TTC1: variants seen among roughly 807,000 people sequenced by gnomAD.
TTC1 encodes the protein tetratricopeptide repeat domain 1.
Under a neutral mutation model 37.6 loss-of-function variants are expected in TTC1, and 31 were observed. The observed-to-expected ratio is 0.82, with a 90% confidence interval of 0.62 to 1.11. The LOEUF is 1.11. Ranked by LOEUF, TTC1 falls within the 50% of genes most tolerant of loss-of-function variation. The probability of loss-of-function intolerance (pLI) is 0.00; values close to 1 mark genes in which losing one functional copy is unlikely to be tolerated. For missense variants in TTC1, 351 were observed against 339.0 expected, an observed-to-expected ratio of 1.04 and a Z score of -0.28; for synonymous variants, 127 against 122.4, an observed-to-expected ratio of 1.04 and a Z score of -0.25.
chr5:160,048,025 A>G (rs1581113453), intron 5 of TTC1, among the ~76,000 whole-genome samples: 1 of 151,644 alleles, frequency 6.6e-6, no homozygotes, highest in African/African-American at 2.4e-5. Context: ...ACTACATTGG[A>G]CGTATATATT....
intron 6 of TTC1, among the ~76,000 whole-genome samples, chr5:160,050,815 A>G (rs2113396347): frequency 6.6e-6 from 1 of 152,034 alleles, no homozygotes; most frequent in Admixed American, 6.6e-5. Flanking sequence ...TTGTAGAGAC[A>G]GCATTTTGCC....
rs201830351 is a variant in TTC1 at position 160,064,919 on chromosome 5, T to A, written c.746-13T>A. 1.9e-5 allele frequency: 30 copies of A among 1,604,266 alleles called. No individual in the cohort carries two copies. In the South Asian group the frequency reaches 3.3e-4, roughly 17 times the overall value. The stretch of plus-strand genomic sequence containing the variant: ...TTCCTGTATTCATTTGAGTTTTTGC[T>A]TTTACATTACAGGTAAATTAAAAGA... On this transcript the variant is annotated splice_polypyrimidine_tract_variant and intron_variant, in intron 7 of 7. Coordinates refer to ENST00000231238, the MANE Select transcript of TTC1 (RefSeq NM_003314.3).
At chr5:160,064,836 T>C (rs1753550998) in intron 7 of TTC1, 96 bp from the exon 8 acceptor site, 4 of 1,320,610 alleles carry the variant, frequency 3.0e-6, no homozygotes, top group African/African-American at 3.0e-5. Flanking sequence ...AGAGATACTT[T>C]TATATTTTGT....
At chr5:160,028,860 G>C (rs1325702480) in intron 2 of TTC1, among the ~76,000 whole-genome samples, 1 of 151,936 alleles carries the variant, frequency 6.6e-6, no homozygotes, top group Non-Finnish European at 1.5e-5. Context: ...TTTTTGAACT[G>C]TATAAATAAT....
chr5:160,010,842 C>T lies in TTC1; in HGVS notation c.314C>T (p.Ser105Leu), dbSNP rs1163765270. The part of the protein sequence containing the change: ...EYLIELEKNM[S>L]DEEKQKRREE... ...CTAATAGAACTGGAAAAAAACATGT[C>T]GGATGAAGAGAAACAGGTAAGTATT... The change falls in exon 2 of 8, where the codon TCG becomes TTG. Residue 105 changes from serine to leucine, a missense_variant. Physicochemically the swap from Ser to Leu is moderately radical, Grantham distance 145. Transcript: ENST00000231238. 81 of 1,611,860 alleles carry T rather than the reference C, an allele frequency of 5.0e-5. No individual in the cohort carries two copies. Among genetic ancestry groups the T allele is most frequent in the Middle Eastern group, 1.7e-4 (1 of 5,896 alleles).
chr5:160,048,548 G>A (rs6865306), intron 5 of TTC1, among the ~76,000 whole-genome samples: 1,936 of 152,278 alleles, frequency 0.013, 47 homozygotes, highest in African/African-American at 0.044. Context: ...TTATTAGAAG[G>A]GCAGCTGATG....
chr5:160,045,709 G>A (rs1757224285), intron 5 of TTC1, among the ~76,000 whole-genome samples: 1 of 151,788 alleles, frequency 6.6e-6, no homozygotes, highest in Non-Finnish European at 1.5e-5. Flanking sequence ...ACAGGTGCAC[G>A]CCACCACACC....
intron 2 of TTC1, among the ~76,000 whole-genome samples, chr5:160,013,725 A>G (rs1390569354): frequency 6.7e-6 from 1 of 150,082 alleles, no homozygotes; most frequent in Non-Finnish European, 1.5e-5. Context: ...CCTGGGTGAC[A>G]GAGCAAGACT....
intron 3 of TTC1, 186 bp from the exon 4 acceptor site, chr5:160,036,505 T>C (rs1024354076): frequency 9.6e-5 from 50 of 519,834 alleles, no homozygotes; most frequent in Non-Finnish European, 1.6e-4. Context: ...AAGCAAGCAC[T>C]GTTCCTTTAA....
rs142277599 is a variant in TTC1, at chr5:160,029,032, C to G, written c.331-6108C>G. ...CTCTTGACTGCAACAAAACCTTGAA[C>G]TTTACATAGTAGGTTCATTGTTGGT... On this transcript the variant is annotated intron_variant, in intron 2 of 7. Transcript: ENST00000231238. 4.6e-5 allele frequency among the ~76,000 whole-genome samples: 7 copies of G among 152,250 alleles called. No homozygotes were observed. In the East Asian group the frequency reaches 9.6e-4, roughly 21 times the overall value.
rs866579356 is a variant in TTC1 at position 160,057,968 on chromosome 5, T to C, written c.745+6785T>C. 2.6e-5 allele frequency among the ~76,000 whole-genome samples: 4 copies of C among 152,338 alleles called. No homozygotes were observed. The South Asian group carries it at 6.2e-4, about 24-fold the overall frequency. ...TTTTTGTAGAGATGGGTTTTCACCA[T>C]GTTGGCCAGGCTGGTCTCGAACTCC... On this transcript the variant is annotated intron_variant, in intron 7 of 7. Transcript: ENST00000231238. This position sits in a 1 kb window ranked among gnomAD's most constrained non-coding sequence, Gnocchi z 4.4.
chr5:160,016,243 C>G (rs982486597), intron 2 of TTC1, among the ~76,000 whole-genome samples: 33 of 152,036 alleles, frequency 2.2e-4, no homozygotes, highest in Admixed American at 2.2e-3. Flanking sequence ...CCAGGTATGG[C>G]GGTGCACACC....
intron 2 of TTC1, among the ~76,000 whole-genome samples, chr5:160,031,263 A>G (rs1209100611): frequency 4.6e-5 from 7 of 152,274 alleles, no homozygotes; most frequent in South Asian, 2.1e-4. Context: ...TTCTTTTTCA[A>G]TGTTTACTAC....
chr5:160,020,408 C>T (rs1486513258), intron 2 of TTC1, among the ~76,000 whole-genome samples: 1 of 152,174 alleles, frequency 6.6e-6, no homozygotes, highest in African/African-American at 2.4e-5. Flanking sequence ...AACCACCCTG[C>T]CTGGCCTGAT....
intron 2 of TTC1, among the ~76,000 whole-genome samples, chr5:160,033,483 G>C (rs1263924930): frequency 6.6e-6 from 1 of 152,152 alleles, no homozygotes. Flanking sequence ...ATCTTTTCCA[G>C]AGAAAGAATG....
Position 160,065,118 on chromosome 5 carries a change from T to C in TTC1, c.*53T>C. On this transcript the variant is annotated 3_prime_UTR_variant, in exon 8 of 8. Transcript: ENST00000231238. ...ACTTGGAATTGTGTGCTGCTTGCTGTTAGCTAGGGGAAAGGCCCTGCCAAT... is the reference window on the plus strand; with the variant it reads ...ACTTGGAATTGTGTGCTGCTTGCTGCTAGCTAGGGGAAAGGCCCTGCCAAT... 1 of 1,589,190 alleles carries C rather than the reference T, an allele frequency of 6.3e-7. No individual in the cohort carries two copies. The highest frequency in any genetic ancestry group is 8.5e-7 in the Non-Finnish European group (1 of 1,172,126).
chr5:160,041,708 C>T (rs951964199), intron 4 of TTC1, among the ~76,000 whole-genome samples: 3 of 152,150 alleles, frequency 2.0e-5, no homozygotes, highest in African/African-American at 7.2e-5. Context: ...GATGTTATGA[C>T]GGCTACTATG....
chr5:160,053,472 G>T (rs1004082592), intron 7 of TTC1, among the ~76,000 whole-genome samples: 1 of 152,118 alleles, frequency 6.6e-6, no homozygotes, highest in South Asian at 2.1e-4. Flanking sequence ...GCTGCTGTGG[G>T]AGGATCACTT....
chr5:160,063,985 T>TTTC (rs10649446), intron 7 of TTC1, among the ~76,000 whole-genome samples: 1 of 148,756 alleles, frequency 6.7e-6, no homozygotes, highest in Admixed American at 6.7e-5. Flanking sequence ...TTTTTTTTTT[T>TTTC]TGAGACGGAG....
Sources: allele counts gnomAD v4.1 joint callset (sites outside exome capture counted in the v4.1 genomes callset), GRCh38; gene constraint gnomAD v4.1.1; non-coding constraint Gnocchi (gnomAD v3.1); transcripts MANE v1.5; gene names NCBI Gene and HGNC (gene_info 2026-07-23, HGNC 2026-07-21).